The following NXPE2 variants were observed in gnomAD, a reference collection of about 807,000 sequenced individuals.
NXPE2 encodes NXPE family member 2.
A neutral mutation model predicts 34.4 loss-of-function variants in NXPE2; 34 were observed. That is an observed-to-expected ratio of 0.99 (90% CI 0.75 to 1.31). The LOEUF (loss-of-function observed/expected upper bound fraction) is 1.31, where lower values mean the gene tolerates loss of function less well. Ranked by LOEUF, NXPE2 falls within the 40% of genes most tolerant of loss-of-function variation. The pLI is 0.00. For missense variants in NXPE2, 649 were observed against 672.5 expected, an observed-to-expected ratio of 0.97 and a Z score of 0.39; for synonymous variants, 235 against 231.3, an observed-to-expected ratio of 1.02 and a Z score of -0.15.
At chr11:114,550,133 A>G in the NXPE2 span, among the ~76,000 whole-genome samples, 3 of 152,174 alleles carry the variant, frequency 2.0e-5, no homozygotes, top group African/African-American at 7.2e-5. Context: ...GATGTTGTTT[A>G]GTCTTCCAAG....
chr11:114,578,465 T>C, the NXPE2 span, among the ~76,000 whole-genome samples: 8 of 152,184 alleles, frequency 5.3e-5, no homozygotes, highest in African/African-American at 1.9e-4. Flanking sequence ...ACCCTGAATT[T>C]TGTAGATGAG....
chr11:114,642,066 A>T, the NXPE2 span, among the ~76,000 whole-genome samples: 1 of 152,096 alleles, frequency 6.6e-6, no homozygotes, highest in Non-Finnish European at 1.5e-5. Context: ...TACAGCATGG[A>T]AAAGGAGAAA....
At chr11:114,655,504 A>G in the NXPE2 span, among the ~76,000 whole-genome samples, 1 of 152,142 alleles carries the variant, frequency 6.6e-6, no homozygotes, top group South Asian at 2.1e-4. Flanking sequence ...TTTTTGTATA[A>G]GGTGTAAGGA....
chr11:114,552,291 A>G, the NXPE2 span, among the ~76,000 whole-genome samples: 1 of 152,160 alleles, frequency 6.6e-6, no homozygotes, highest in Non-Finnish European at 1.5e-5. Flanking sequence ...TGTTGAGACC[A>G]AATGAATGAA....
the NXPE2 span, among the ~76,000 whole-genome samples, chr11:114,600,939 A>C: frequency 1.3e-5 from 2 of 152,160 alleles, no homozygotes; most frequent in South Asian, 4.1e-4. Context: ...TTCTCCATGA[A>C]ATGATTCAGT....
the NXPE2 span, among the ~76,000 whole-genome samples, chr11:114,631,674 T>A: frequency 2.6e-5 from 4 of 151,076 alleles, no homozygotes; most frequent in African/African-American, 9.7e-5. Flanking sequence ...AAAGTATATA[T>A]ATAAAAAAAG....
the NXPE2 span, among the ~76,000 whole-genome samples, chr11:114,580,956 T>G: frequency 6.6e-5 from 10 of 152,148 alleles, no homozygotes; most frequent in African/African-American, 1.9e-4. Context: ...CGTGGCAGGT[T>G]TGATTATTAA....
chr11:114,558,384 G>A, the NXPE2 span, among the ~76,000 whole-genome samples: 1 of 152,046 alleles, frequency 6.6e-6, no homozygotes, highest in Non-Finnish European at 1.5e-5. Flanking sequence ...TATTGGGTAC[G>A]TTTGCCTTGT....
the NXPE2 span, among the ~76,000 whole-genome samples, chr11:114,519,654 G>A: frequency 6.6e-6 from 1 of 152,220 alleles, no homozygotes; most frequent in East Asian, 1.9e-4. Context: ...AGGGGCAGGA[G>A]GGCATTCTAG....
chr11:114,734,953 C>CA, the NXPE2 span, among the ~76,000 whole-genome samples: 20 of 152,000 alleles, frequency 1.3e-4, no homozygotes, highest in Non-Finnish European at 1.5e-5. Context: ...CTAAAAAATA[C>CA]AAAAAAATTA....
At chr11:114,746,535 C>T in the NXPE2 span, among the ~76,000 whole-genome samples, 1 of 152,054 alleles carries the variant, frequency 6.6e-6, no homozygotes, top group Non-Finnish European at 1.5e-5. Context: ...AGAATTCAAG[C>T]ATTTAAGGGA....
the NXPE2 span, chr11:114,595,636 G>A: frequency 2.8e-4 from 43 of 152,178 alleles, no homozygotes; most frequent in Admixed American, 2.3e-3. Context: ...ACTCTCTGGC[G>A]AGCTAGGTGT....
At chr11:114,759,024 C>T in the NXPE2 span, among the ~76,000 whole-genome samples, 1 of 152,050 alleles carries the variant, frequency 6.6e-6, no homozygotes, top group Non-Finnish European at 1.5e-5. Context: ...TGCTCACATC[C>T]TACACTCACA....
the NXPE2 span, chr11:114,554,430 G>A: frequency 1.0e-6 from 1 of 957,850 alleles, no homozygotes. Context: ...AACATTCTTT[G>A]TGACATGGGC....
the NXPE2 span, among the ~76,000 whole-genome samples, chr11:114,658,430 T>G: frequency 6.6e-6 from 1 of 152,152 alleles, no homozygotes; most frequent in South Asian, 2.1e-4. Context: ...CTCTTTGTTT[T>G]GGACCTCCAC....
the NXPE2 span, among the ~76,000 whole-genome samples, chr11:114,586,534 G>T: frequency 6.6e-6 from 1 of 152,204 alleles, no homozygotes; most frequent in Non-Finnish European, 1.5e-5. Flanking sequence ...GCTTGCCAGG[G>T]AGAACTTAGC....
At chr11:114,499,636 A>T in the NXPE2 span, among the ~76,000 whole-genome samples, 1 of 152,202 alleles carries the variant, frequency 6.6e-6, no homozygotes, top group Non-Finnish European at 1.5e-5. Context: ...AGTAAAATTT[A>T]TACAGAGTGA....
At chr11:114,784,145 T>C in the NXPE2 span, among the ~76,000 whole-genome samples, 1 of 152,344 alleles carries the variant, frequency 6.6e-6, no homozygotes, top group Non-Finnish European at 1.5e-5. Context: ...ACTACTATGC[T>C]ATGCTACCTC....
At chr11:114,716,997 A>T in the NXPE2 span, among the ~76,000 whole-genome samples, 2 of 152,220 alleles carry the variant, frequency 1.3e-5, no homozygotes, top group Non-Finnish European at 2.9e-5. Context: ...ATAATTTTTT[A>T]AAAATCTTTT....
Sources: allele counts gnomAD v4.1 joint callset (sites outside exome capture counted in the v4.1 genomes callset), GRCh38; gene constraint gnomAD v4.1.1; transcripts MANE v1.5; gene names NCBI Gene and HGNC (gene_info 2026-07-23, HGNC 2026-07-21).